The following TESC variants were observed in gnomAD, a reference collection of about 807,000 sequenced individuals.
The protein encoded by TESC is tescalcin, also known as calcineurin B homologous protein 3.
In TESC, 19 loss-of-function variants were observed where a neutral mutation model predicts 31.0. That is an observed-to-expected ratio of 0.61 (90% CI 0.43 to 0.90). TESC has a LOEUF of 0.90. Ranked by LOEUF, TESC falls within the 40% of genes least tolerant of loss-of-function variation. The pLI is 0.00. For missense variants in TESC, 248 were observed against 303.8 expected (o/e 0.82, Z 1.36); for synonymous variants, 109 against 114.8 (o/e 0.95, Z 0.32).
chr12:117,043,555 G>A (rs376762934), intron 6 of TESC, among the ~76,000 whole-genome samples: 1 of 152,160 alleles, frequency 6.6e-6, no homozygotes, highest in African/African-American at 2.4e-5. Flanking sequence ...TGCCTCCCAG[G>A]TTCAAGTGAT....
intron 2 of TESC, among the ~76,000 whole-genome samples, chr12:117,061,561 T>C (rs1954800850): frequency 6.6e-6 from 1 of 151,814 alleles, no homozygotes; most frequent in Non-Finnish European, 1.5e-5. Flanking sequence ...CTTGACCTGC[T>C]AGGAATTGAG....
rs1378515522 is a variant in TESC at position 117,099,301 on chromosome 12, C to A, written c.-19G>T. 1.4e-6 allele frequency: 2 copies of A among 1,422,468 alleles called. No homozygotes were observed. Among genetic ancestry groups the A allele is most frequent in the East Asian group, 6.2e-5 (2 of 32,374 alleles). 88.1% of individuals were successfully genotyped at this position (1,422,468 alleles called of 1,614,324 possible). A position where few individuals can be genotyped will look rare whatever the true frequency, so the allele number is the denominator to read the frequency against. ...CGCCCATGGTGCCCGCGGCGGGGGC[C>A]CCGGGGCGCGCGTCCCTCTCAGGCC... is the stretch of plus-strand genomic sequence containing the variant. On this transcript the variant is annotated 5_prime_UTR_variant, in exon 1 of 8. Transcript: ENST00000335209.
intron 2 of TESC, among the ~76,000 whole-genome samples, chr12:117,061,413 G>A (rs1034846127): frequency 1.3e-5 from 2 of 152,060 alleles, no homozygotes; most frequent in Non-Finnish European, 2.9e-5. Context: ...ACCCTGGAAG[G>A]AGAGCAGACC....
At chr12:117,087,712 G>A (rs1290836151) in intron 1 of TESC, among the ~76,000 whole-genome samples, 1 of 152,242 alleles carries the variant, frequency 6.6e-6, no homozygotes, top group Non-Finnish European at 1.5e-5. Context: ...GCGTGCTGGT[G>A]CACGTCTGTC....
intron 6 of TESC, among the ~76,000 whole-genome samples, chr12:117,042,833 T>C (rs968366825): frequency 1.3e-5 from 2 of 152,200 alleles, no homozygotes; most frequent in African/African-American, 4.8e-5. Flanking sequence ...TCATCCACGC[T>C]ATTGATTCCC....
chr12:117,098,235 TG>T (rs1955421137), intron 1 of TESC, among the ~76,000 whole-genome samples: 2 of 152,234 alleles, frequency 1.3e-5, no homozygotes, highest in South Asian at 4.1e-4. Flanking sequence ...TCCCATTTCC[TG>T]AGCGTCTACC....
intron 6 of TESC, among the ~76,000 whole-genome samples, chr12:117,043,915 C>A (rs761347714): frequency 2.6e-5 from 4 of 152,216 alleles, no homozygotes; most frequent in African/African-American, 7.2e-5. Flanking sequence ...TTTCTACTGG[C>A]AGGACTTTGC....
At chr12:117,043,265 A>T (rs186699047) in intron 6 of TESC, among the ~76,000 whole-genome samples, 60 of 152,186 alleles carry the variant, frequency 3.9e-4, no homozygotes, top group Non-Finnish European at 6.6e-4. Context: ...GAAAAAAACC[A>T]CCGAGAGGGA....
intron 2 of TESC, among the ~76,000 whole-genome samples, chr12:117,075,039 G>A (rs770019208): frequency 7.2e-5 from 11 of 152,168 alleles, no homozygotes; most frequent in South Asian, 2.1e-4. Flanking sequence ...CCAGCTACTC[G>A]GGAGGCTGAG....
chr12:117,065,752 G>A (rs1954869791), intron 2 of TESC, among the ~76,000 whole-genome samples: 1 of 152,112 alleles, frequency 6.6e-6, no homozygotes, highest in Non-Finnish European at 1.5e-5. Flanking sequence ...AGCCGGGTAT[G>A]GTGGTACATG....
intron 1 of TESC, among the ~76,000 whole-genome samples, chr12:117,086,802 T>C (rs996571149): frequency 6.6e-6 from 1 of 152,190 alleles, no homozygotes; most frequent in Admixed American, 6.5e-5. Context: ...TGCACACCCT[T>C]AGCACAGGAT....
At chr12:117,047,478 G>A (rs1954585409) in intron 4 of TESC, among the ~76,000 whole-genome samples, 1 of 152,154 alleles carries the variant, frequency 6.6e-6, no homozygotes, top group East Asian at 1.9e-4. Flanking sequence ...AGGCTGTAGT[G>A]TAGTGGCACG....
Position 117,099,240 on chromosome 12 carries a change from C to G in TESC, c.43G>C (p.Glu15Gln). The change falls in exon 1 of 8, where the codon GAG becomes CAG. Residue 15 changes from glutamate to glutamine, a missense_variant. Glu to Gln is a conservative substitution (Grantham distance 29, BLOSUM62 2). Coordinates refer to ENST00000335209, the MANE Select transcript of TESC (RefSeq NM_017899.4). ...HSASEEVREL[E>Q]GKTGFSSDQI... ...GGGTACTCACAGCCGGTCTTGCCCT[C>G]GAGCTCCCGCACCTCCTCAGACGCG... 6.8e-7 allele frequency: 1 copy of G among 1,478,490 alleles called. No homozygotes were observed. Among genetic ancestry groups the G allele is most frequent in the South Asian group, 1.3e-5 (1 of 78,590 alleles). 91.6% of individuals were successfully genotyped at this position (1,478,490 alleles called of 1,614,324 possible). A position where few individuals can be genotyped will look rare whatever the true frequency, so the allele number is the denominator to read the frequency against.
intron 1 of TESC, among the ~76,000 whole-genome samples, chr12:117,081,853 G>T (rs12298098): frequency 7.9e-5 from 12 of 151,794 alleles, no homozygotes; most frequent in Admixed American, 7.2e-4. Flanking sequence ...GCAGCGAGCC[G>T]AGATCGTGCC....
chr12:117,097,532 G>A (rs904044135), intron 1 of TESC, among the ~76,000 whole-genome samples: 1 of 152,166 alleles, frequency 6.6e-6, no homozygotes, highest in African/African-American at 2.4e-5. Context: ...CAAAGCAGTG[G>A]GAGGCGAGGA....
In TESC at chr12:117,099,213, G is replaced by A. The variant is rs887375809; in HGVS notation, c.58+12C>T. On this transcript the variant is annotated intron_variant, in intron 1 of 7. Coordinates refer to ENST00000335209, the MANE Select transcript of TESC (RefSeq NM_017899.4). The stretch of plus-strand genomic sequence containing the variant: ...CGCCCCGGTCCCCGCGCCGCCCCCC[G>A]CGGGTACTCACAGCCGGTCTTGCCC... 6.1e-6 allele frequency: 9 copies of A among 1,480,974 alleles called. No individual in the cohort carries two copies. In the African/African-American group the frequency reaches 8.8e-5, roughly 15 times the overall value. 91.7% of individuals were successfully genotyped at this position (1,480,974 alleles called of 1,614,324 possible).
chr12:117,039,728 C>T (rs7979277), intron 7 of TESC, among the ~76,000 whole-genome samples: 21,611 of 152,218 alleles, frequency 0.14, 1,647 homozygotes, highest in African/African-American at 0.19. Context: ...TCTTTACAAC[C>T]TCCCTGGGAT....
At chr12:117,046,396 C>T in intron 6 of TESC, 163 bp downstream of exon 6, 1 of 676,514 alleles carries the variant, frequency 1.5e-6, no homozygotes, top group Non-Finnish European at 2.5e-6. Context: ...CCTTCAGTCT[C>T]CTGGGGGACA....
intron 2 of TESC, among the ~76,000 whole-genome samples, chr12:117,070,209 G>A (rs577189641): frequency 8.5e-4 from 129 of 152,342 alleles, no homozygotes; most frequent in African/African-American, 3.0e-3. Context: ...TGGCAGAGAG[G>A]GGACAGCACT....
Sources: gnomAD v4.1 joint callset for allele counts (sites outside exome capture counted in the v4.1 genomes callset) on GRCh38, gnomAD v4.1.1 for gene constraint, MANE v1.5 for transcripts, NCBI Gene and HGNC (gene_info 2026-07-23, HGNC 2026-07-21) for gene names.